Variants in LSAMP observed in about 807,000 individuals in gnomAD.
The protein encoded by LSAMP is limbic system-associated membrane protein.
LSAMP carries 7 observed loss-of-function variants against 38.6 expected under a neutral mutation model. That is an observed-to-expected ratio of 0.18 (90% confidence interval 0.10 to 0.34). LSAMP has a LOEUF of 0.34. Ranked by LOEUF, LSAMP falls within the 10% of genes least tolerant of loss-of-function variation. The probability of loss-of-function intolerance (pLI) is 1.00; values close to 1 mark genes in which losing one functional copy is unlikely to be tolerated. For synonymous variants in LSAMP, 154 were observed against 166.8 expected (o/e 0.92, Z 0.59); for missense variants, 313 against 420.0 (o/e 0.75, Z 2.23).
At position 116,308,714 on chromosome 3, in the gene LSAMP, G is replaced by A. The variant is rs887817869; in HGVS notation, c.155+136163C>T. Among the ~76,000 whole-genome samples the A allele has an allele frequency of 1.2e-4, 19 of 152,028 alleles. 1 individual carries two copies. The highest frequency in any genetic ancestry group is 4.1e-4 in the African/African-American group (17 of 41,408). ...AACAGAATAAAACATGAACTTAGGGGTTGAAAGCCCAGGTTCTATTGCTGA... is the reference window on the plus strand; with the variant it reads ...AACAGAATAAAACATGAACTTAGGGATTGAAAGCCCAGGTTCTATTGCTGA... On this transcript the variant is annotated intron_variant, in intron 1 of 6. Transcript: ENST00000490035.
rs760521874 is a variant in LSAMP at position 115,841,978 on chromosome 3, A to T, written c.786T>A (p.Asn262Lys). 2 of 1,612,472 alleles carry T rather than the reference A, an allele frequency of 1.2e-6. No homozygotes were observed. The highest frequency in any genetic ancestry group is 4.5e-5 in the East Asian group (2 of 44,868). Residue 262 changes from asparagine to lysine, a missense_variant, in exon 6 of 7, where the codon AAT becomes AAA. Transcript: ENST00000490035. ...CCTCCGTGCTCTTAATCTCAAGGCC[A>T]TTGGCACTATTTATCCTAAGAGTTC... ...YRDDTRINSA[N>K]GLEIKSTEGQ...
chr3:115,999,492 T>C (rs1226776508), intron 3 of LSAMP, among the ~76,000 whole-genome samples: 1 of 152,106 alleles, frequency 6.6e-6, no homozygotes. Context: ...CCCCGTCATG[T>C]CCTAAATTAA....
At chr3:116,273,787 A>G (rs1401276451) in intron 1 of LSAMP, among the ~76,000 whole-genome samples, 1 of 133,700 alleles carries the variant, frequency 7.5e-6, no homozygotes, top group Non-Finnish European at 1.6e-5. Flanking sequence ...AATTACAGAT[A>G]TATATATCTT....
chr3:116,179,730 G>A (rs573430767), intron 1 of LSAMP, among the ~76,000 whole-genome samples: 7 of 152,138 alleles, frequency 4.6e-5, no homozygotes, highest in African/African-American at 1.7e-4. Context: ...CCCCATGATT[G>A]AATCAGCTCC....
Position 116,439,164 on chromosome 3 carries a change from T to A in LSAMP, c.155+5713A>T, listed in dbSNP as rs148981880. Among the ~76,000 whole-genome samples the A allele has an allele frequency of 5.4e-3, 815 of 152,298 alleles. 4 individuals carry two copies. The highest frequency in any genetic ancestry group is 8.3e-3 in the Non-Finnish European group (568 of 68,024). Reference sequence around the variant, plus strand: ...GAGGATATGTGGCAGCAGTATTTTTTAGAAGTTCCCCAGCTGATGGTACTG... The same window carrying A: ...GAGGATATGTGGCAGCAGTATTTTTAAGAAGTTCCCCAGCTGATGGTACTG... On this transcript the variant is annotated intron_variant, in intron 1 of 6. Transcript: ENST00000490035.
chr3:115,853,474 G>A (rs1246857839), intron 3 of LSAMP, among the ~76,000 whole-genome samples: 1 of 152,218 alleles, frequency 6.6e-6, no homozygotes, highest in African/African-American at 2.4e-5. Context: ...ATAGTTGAGT[G>A]TGTGCATTTT....
At chr3:115,838,579 G>A (rs1165972107) in intron 6 of LSAMP, among the ~76,000 whole-genome samples, 3 of 152,202 alleles carry the variant, frequency 2.0e-5, no homozygotes, top group African/African-American at 7.2e-5. Context: ...GCCCAAGGAT[G>A]AAGAAAAAGA....
At chr3:116,028,734 T>A (rs975246041) in intron 2 of LSAMP, among the ~76,000 whole-genome samples, 2 of 152,092 alleles carry the variant, frequency 1.3e-5, no homozygotes, top group African/African-American at 4.8e-5. Context: ...CATGGTAAAA[T>A]AGCCTATGCA....
rs1371840325 is a variant in LSAMP at position 116,372,082 on chromosome 3, T to C, written c.155+72795A>G. Among the ~76,000 whole-genome samples, 3 of 151,988 alleles carry C rather than the reference T, an allele frequency of 2.0e-5. No homozygotes were observed. In the South Asian group the frequency reaches 6.2e-4, roughly 32 times the overall value. On this transcript the variant is annotated intron_variant, in intron 1 of 6. Coordinates refer to ENST00000490035, the MANE Select transcript of LSAMP (RefSeq NM_002338.5). ...TTTACAGATTGAAAGACAACACTAT[T>C]AAGATATCAATACTACCCAAAGTGA...
At chr3:116,444,634 C>A (rs1015489420) in intron 1 of LSAMP, among the ~76,000 whole-genome samples, 1 of 151,830 alleles carries the variant, frequency 6.6e-6, no homozygotes, top group Non-Finnish European at 1.5e-5. Context: ...CAACATTTAA[C>A]CAACACCACT....
intron 6 of LSAMP, among the ~76,000 whole-genome samples, chr3:115,840,527 T>C (rs1934963449): frequency 6.6e-6 from 1 of 152,244 alleles, no homozygotes; most frequent in Non-Finnish European, 1.5e-5. Context: ...AATTTTAAAC[T>C]TCATATGGAG....
At chr3:116,095,244 C>A (rs1298218752) in intron 1 of LSAMP, among the ~76,000 whole-genome samples, 1 of 152,202 alleles carries the variant, frequency 6.6e-6, no homozygotes, top group Non-Finnish European at 1.5e-5. Flanking sequence ...ATGATCATCA[C>A]CTGAAAGTGC....
chr3:116,100,511 T>C (rs112140124), intron 1 of LSAMP, among the ~76,000 whole-genome samples: 1 of 152,330 alleles, frequency 6.6e-6, no homozygotes, highest in East Asian at 1.9e-4. Context: ...TTCTCATAAA[T>C]TGACCTCTAC....
chr3:115,949,009 T>C (rs549081682), intron 3 of LSAMP, among the ~76,000 whole-genome samples: 1 of 152,148 alleles, frequency 6.6e-6, no homozygotes, highest in African/African-American at 2.4e-5. Context: ...GGCACATGCC[T>C]GTAATCCCAG....
chr3:115,976,922 T>C (rs1412375475), intron 3 of LSAMP, among the ~76,000 whole-genome samples: 1 of 152,126 alleles, frequency 6.6e-6, no homozygotes, highest in East Asian at 1.9e-4. Context: ...CTACCTACTC[T>C]CAGGTAGTTC....
At chr3:115,942,359 T>G (rs1937952624) in intron 3 of LSAMP, among the ~76,000 whole-genome samples, 1 of 152,144 alleles carries the variant, frequency 6.6e-6, no homozygotes, top group South Asian at 2.1e-4. Context: ...ACGGTCATAA[T>G]TCAAAGGAGC....
intron 1 of LSAMP, among the ~76,000 whole-genome samples, chr3:116,099,625 G>A (rs944495600): frequency 1.3e-5 from 2 of 152,150 alleles, no homozygotes; most frequent in Non-Finnish European, 2.9e-5. Flanking sequence ...TAGAATGATG[G>A]TGATGGTCCA....
In LSAMP at chr3:115,841,914, G is replaced by C; in HGVS notation, c.850C>G (p.His284Asp). ...SLTVTNVTEE[H>D]YGNYTCVAAN... The stretch of plus-strand genomic sequence containing the variant: ...GCCACACAGGTGTAGTTGCCGTAGT[G>C]CTCCTCAGTGACGTTGGTCACCGTC... The change falls in exon 6 of 7, where the codon CAC (histidine) becomes GAC (aspartate). Residue 284 changes from histidine (H) to aspartate (D), a missense_variant. By Grantham distance (81) the His-to-Asp change is moderately conservative. Coordinates refer to ENST00000490035, the MANE Select transcript of LSAMP (RefSeq NM_002338.5). The C allele has an allele frequency of 6.2e-7, 1 of 1,613,994 alleles. No homozygotes were observed. The highest frequency in any genetic ancestry group is 2.2e-5 in the East Asian group (1 of 44,880).
intron 3 of LSAMP, among the ~76,000 whole-genome samples, chr3:115,939,198 C>T (rs1051914861): frequency 3.9e-5 from 6 of 152,000 alleles, no homozygotes; most frequent in East Asian, 1.9e-4. Context: ...AATTTACCAT[C>T]GAGATGTAAT....
Sources: gnomAD v4.1 joint callset for allele counts (sites outside exome capture counted in the v4.1 genomes callset) on GRCh38, gnomAD v4.1.1 for gene constraint, MANE v1.5 for transcripts, NCBI Gene and HGNC (gene_info 2026-07-23, HGNC 2026-07-21) for gene names.